Variants in HOOK1 observed in about 807,000 individuals in gnomAD.
The protein encoded by HOOK1 is protein Hook homolog 1.
A neutral mutation model predicts 112.8 loss-of-function variants in HOOK1; 60 were observed. The ratio of observed to expected loss-of-function variants is 0.53; its 90% CI spans 0.43 to 0.66. The LOEUF (loss-of-function observed/expected upper bound fraction) is 0.66, where lower values mean the gene tolerates loss of function less well. HOOK1 is among the 30% of genes least tolerant of loss of function. The pLI, the probability that HOOK1 is intolerant of heterozygous loss-of-function variation, is 0.00. For synonymous variants in HOOK1, 294 were observed against 283.8 expected (o/e 1.04, Z -0.36); for missense variants, 770 against 856.0 (o/e 0.90, Z 1.25).
At chr1:59,827,109 G>A (rs575817134) in intron 2 of HOOK1, among the ~76,000 whole-genome samples, 46 of 152,224 alleles carry the variant, frequency 3.0e-4, no homozygotes, top group African/African-American at 1.1e-3. Context: ...TGTGGAGGAT[G>A]AAAAGTTTAA....
rs377653770 is a variant in HOOK1 at position 59,855,961 on chromosome 1, A to T, written c.1243-2467A>T. On this transcript the variant is annotated intron_variant, in intron 12 of 21. Coordinates refer to ENST00000371208, the MANE Select transcript of HOOK1 (RefSeq NM_015888.6). Reference sequence around the variant, plus strand: ...GCTAATTTATATATATATATATATAAATTATTATATATATATATATATATT... The same window carrying T: ...GCTAATTTATATATATATATATATATATTATTATATATATATATATATATT... Among the ~76,000 whole-genome samples the T allele has an allele frequency of 6.3e-3, 519 of 82,802 alleles. 4 individuals carry two copies. Among genetic ancestry groups the T allele is most frequent in the African/African-American group, 0.022 (350 of 16,034 alleles). 54.3% of individuals were successfully genotyped at this position (82,802 alleles called of 152,430 possible).
At chr1:59,842,800 C>A (rs936814977) in intron 8 of HOOK1, among the ~76,000 whole-genome samples, 6 of 151,998 alleles carry the variant, frequency 3.9e-5, no homozygotes, top group African/African-American at 1.4e-4. Context: ...GAGAGAAAAT[C>A]ATGCATGTTT....
At chr1:59,824,844 T>C (rs2098388668) in intron 2 of HOOK1, among the ~76,000 whole-genome samples, 1 of 152,170 alleles carries the variant, frequency 6.6e-6, no homozygotes, top group South Asian at 2.1e-4. Flanking sequence ...TAAAAACACA[T>C]GGGAAAAAAC....
At chr1:59,845,732 A>C (rs1004326597) in intron 9 of HOOK1, among the ~76,000 whole-genome samples, 1 of 151,854 alleles carries the variant, frequency 6.6e-6, no homozygotes, top group African/African-American at 2.4e-5. Flanking sequence ...CACTTTGTTC[A>C]TACTTTATTA....
At chr1:59,869,076 T>C (rs1211796063) in intron 20 of HOOK1, among the ~76,000 whole-genome samples, 1 of 152,234 alleles carries the variant, frequency 6.6e-6, no homozygotes, top group Non-Finnish European at 1.5e-5. Context: ...TGTAGTGAGA[T>C]TTGATGCTAT....
At chr1:59,860,454 A>G (rs1186884717) in intron 15 of HOOK1, 126 bp downstream of exon 15, 2 of 820,026 alleles carry the variant, frequency 2.4e-6, no homozygotes, top group African/African-American at 3.6e-5. Context: ...ATAGTTTAAT[A>G]TTTTTGTTAG....
intron 2 of HOOK1, among the ~76,000 whole-genome samples, chr1:59,822,847 G>A (rs549164941): frequency 4.6e-5 from 7 of 152,236 alleles, no homozygotes; most frequent in African/African-American, 1.7e-4. Context: ...CAATTAAAAT[G>A]ATATAAAAAT....
intron 2 of HOOK1, among the ~76,000 whole-genome samples, chr1:59,823,675 A>G (rs1284371950): frequency 6.6e-6 from 1 of 152,254 alleles, no homozygotes; most frequent in African/African-American, 2.4e-5. Context: ...GATGTGATGC[A>G]TATAGCTCTT....
rs760098179 is a variant in HOOK1 at position 59,865,151 on chromosome 1, TC to T, written c.1662-11del. 27 of 1,557,618 alleles carry T rather than the reference TC, an allele frequency of 1.7e-5. No homozygotes were observed. Among genetic ancestry groups the T allele is most frequent in the Admixed American group, 5.0e-5 (3 of 59,808 alleles). On this transcript the variant is annotated splice_polypyrimidine_tract_variant and intron_variant, in intron 17 of 21. Coordinates refer to ENST00000371208, the MANE Select transcript of HOOK1 (RefSeq NM_015888.6). ...GGCAGAGACCAGTCTCCATGCTTTT[TC>T]TACCACTTAGGGAAAAACTCACAGA...
chr1:59,860,020 G>A (rs912659667), intron 14 of HOOK1, among the ~76,000 whole-genome samples, 168 bp from the exon 15 acceptor site: 4 of 152,028 alleles, frequency 2.6e-5, no homozygotes, highest in African/African-American at 9.7e-5. Context: ...ACTTTCAGAA[G>A]CTTTTGTTGG....
Position 59,847,100 on chromosome 1 carries a change from C to A in HOOK1, c.844C>A (p.Leu282Ile). 6.2e-7 allele frequency: 1 copy of A among 1,608,910 alleles called. No individual in the cohort carries two copies. Among genetic ancestry groups the A allele is most frequent in the Non-Finnish European group, 8.5e-7 (1 of 1,177,066 alleles). ...RVHCEELEKQ[L>I]IEFQHRNDEL... ...TCACTGTGAAGAACTTGAAAAGCAG[C>A]TAATCGAATTCCAGCATAGGAATGA... Residue 282 changes from leucine to isoleucine, a missense_variant, in exon 10 of 22, where the codon CTA becomes ATA. Physicochemically the swap from Leu to Ile is conservative, Grantham distance 5. This residue lies in a region of HOOK1 where 655 missense variants were observed against 725.9 expected (regional missense o/e 0.90). Transcript: ENST00000371208.
chr1:59,858,120 G>A (rs918476863), intron 12 of HOOK1, among the ~76,000 whole-genome samples: 1 of 152,176 alleles, frequency 6.6e-6, no homozygotes, highest in African/African-American at 2.4e-5. Flanking sequence ...TGGTGAAATT[G>A]GTATTCAAAC....
At chr1:59,838,542 G>T (rs564139656) in intron 7 of HOOK1, among the ~76,000 whole-genome samples, 9 of 152,208 alleles carry the variant, frequency 5.9e-5, no homozygotes, top group African/African-American at 2.2e-4. Context: ...TTTTGATGGG[G>T]TTTTTTGCTT....
intron 2 of HOOK1, among the ~76,000 whole-genome samples, chr1:59,826,484 A>G (rs1008357177): frequency 6.6e-5 from 10 of 152,214 alleles, no homozygotes; most frequent in South Asian, 2.1e-4. Context: ...ACTAAGTTAG[A>G]AAGTATTTCT....
At chr1:59,824,743 A>G (rs563687256) in intron 2 of HOOK1, among the ~76,000 whole-genome samples, 4 of 152,348 alleles carry the variant, frequency 2.6e-5, no homozygotes, top group African/African-American at 9.6e-5. Context: ...AGTTATTGCT[A>G]GGGTTCTACA....
At chr1:59,868,103 T>C (rs980507377) in intron 19 of HOOK1, 147 bp from the exon 20 acceptor site, 2 of 566,570 alleles carry the variant, frequency 3.5e-6, no homozygotes, top group Non-Finnish European at 6.4e-6. Flanking sequence ...GTTATCCCAA[T>C]TAGGATTGTA....
intron 16 of HOOK1, 109 bp from the exon 17 acceptor site, chr1:59,864,523 A>G (rs1310104915): frequency 3.0e-6 from 2 of 671,160 alleles, no homozygotes; most frequent in Non-Finnish European, 5.2e-6. Flanking sequence ...AAAAATATTT[A>G]TAATTTTGCC....
chr1:59,842,857 G>A (rs1000118208), intron 8 of HOOK1, among the ~76,000 whole-genome samples: 2 of 151,736 alleles, frequency 1.3e-5, no homozygotes, highest in Admixed American at 6.6e-5. Context: ...ATAATGATGT[G>A]GTTCTACACT....
At chr1:59,816,939 C>A (rs903672170) in intron 1 of HOOK1, among the ~76,000 whole-genome samples, 2 of 152,200 alleles carry the variant, frequency 1.3e-5, no homozygotes, top group African/African-American at 4.8e-5. Flanking sequence ...CAGACAGTTT[C>A]TCTCACATTC....
Sources: gnomAD v4.1 joint callset for allele counts (sites outside exome capture counted in the v4.1 genomes callset) on GRCh38, gnomAD v4.1.1 for gene constraint, gnomAD v4.1.1 regional missense constraint, MANE v1.5 for transcripts, NCBI Gene and HGNC (gene_info 2026-07-23, HGNC 2026-07-21) for gene names.